AP2A2: variants seen among roughly 807,000 people sequenced by gnomAD.
The protein encoded by AP2A2 is AP-2 complex subunit alpha-2.
AP2A2 carries 32 observed loss-of-function variants against 104.2 expected under a neutral mutation model. The ratio of observed to expected loss-of-function variants is 0.31; its 90% confidence interval spans 0.23 to 0.41. The LOEUF (loss-of-function observed/expected upper bound fraction) is 0.41. AP2A2 is among the 10% of genes least tolerant of loss of function. AP2A2 has a pLI of 1.00. For missense variants in AP2A2, 912 were observed against 1,261.0 expected (o/e 0.72, Z 4.19); for synonymous variants, 539 against 533.3 (o/e 1.01, Z -0.15).
At chr11:950,538 C>T (rs746857087) in intron 1 of AP2A2, among the ~76,000 whole-genome samples, 5 of 151,946 alleles carry the variant, frequency 3.3e-5, no homozygotes, top group Non-Finnish European at 4.4e-5. Context: ...TCGCTTGCCT[C>T]GGCTTCCCAA....
At chr11:974,682 C>CAAAAAA (rs747053947) in intron 4 of AP2A2, among the ~76,000 whole-genome samples, 1 of 49,626 alleles carries the variant, frequency 2.0e-5, no homozygotes, top group African/African-American at 6.9e-5. Context: ...GACTCTGTCT[C>CAAAAAA]AAAAAAAAAA....
At chr11:932,363 A>C (rs2134453886) in intron 1 of AP2A2, among the ~76,000 whole-genome samples, 1 of 152,390 alleles carries the variant, frequency 6.6e-6, no homozygotes, top group East Asian at 1.9e-4. Context: ...TAAATTAGAT[A>C]TGGAGAAACT....
chr11:1,000,308 C>T, intron 14 of AP2A2, 124 bp from the exon 15 acceptor site: 4 of 933,344 alleles, frequency 4.3e-6, no homozygotes, highest in South Asian at 1.6e-5. Flanking sequence ...GCCACCTGCC[C>T]CAGCCACTGG....
At position 941,020 on chromosome 11, in the gene AP2A2, C is replaced by T. The variant is rs558037832; in HGVS notation, c.67+14932C>T. ...CCCTTGCTCCACACTCCGTGGAGCT[C>T]GGAGCTTTTGTGTTCTCACTTTTCC... On this transcript the variant is annotated intron_variant, in intron 1 of 21. Transcript: ENST00000448903. 140 of 414,040 alleles carry T rather than the reference C, an allele frequency of 3.4e-4. No homozygotes were observed. In the East Asian group the frequency reaches 6.1e-3, roughly 18 times the overall value. The allele number at this position is 414,040 out of a possible 1,614,324, so 25.6% of individuals were successfully genotyped here.
intron 1 of AP2A2, among the ~76,000 whole-genome samples, chr11:942,118 G>A (rs1853670818): frequency 1.3e-5 from 2 of 152,058 alleles, no homozygotes; most frequent in African/African-American, 4.8e-5. Context: ...AGTAGAGAGG[G>A]GGGTTTCACC....
intron 1 of AP2A2, chr11:946,837 C>T (rs1322514760): frequency 6.6e-6 from 1 of 151,104 alleles, no homozygotes; most frequent in African/African-American, 2.4e-5. Flanking sequence ...TTTTAGCCAA[C>T]CTCCCTTATA....
intron 5 of AP2A2, among the ~76,000 whole-genome samples, 179 bp downstream of exon 5, chr11:977,403 T>G (rs922367303): frequency 2.9e-4 from 44 of 151,650 alleles, no homozygotes; most frequent in African/African-American, 1.1e-3. Flanking sequence ...AGACTCCGCC[T>G]CTGCTCATCC....
rs1590003206 is a variant in AP2A2 at position 992,122 on chromosome 11, G to A, written c.1270-381G>A. Among the ~76,000 whole-genome samples the A allele has an allele frequency of 6.6e-6, 1 of 152,134 alleles. No homozygotes were observed. The highest frequency in any genetic ancestry group is 6.5e-5 in the Admixed American group (1 of 15,272). On this transcript the variant is annotated intron_variant, in intron 10 of 21. Coordinates refer to ENST00000448903, the MANE Select transcript of AP2A2 (RefSeq NM_012305.4). This position sits in a 1 kb window ranked among gnomAD's most constrained non-coding sequence, Gnocchi z 6.4. Reference sequence around the variant, plus strand: ...CAGGGTGGCGCAGTCACTGGCCGCCGGGAGCCCAGGGTGGCGCAGTCAGAG... The same window carrying A: ...CAGGGTGGCGCAGTCACTGGCCGCCAGGAGCCCAGGGTGGCGCAGTCAGAG...
Position 992,399 on chromosome 11 carries a change from C to A in AP2A2, c.1270-104C>A, listed in dbSNP as rs1855689603. The A allele has an allele frequency of 8.3e-7, 1 of 1,199,226 alleles. No individual in the cohort carries two copies. The highest frequency in any genetic ancestry group is 1.2e-6 in the Non-Finnish European group (1 of 833,736). 74.3% of individuals were successfully genotyped at this position (1,199,226 alleles called of 1,614,324 possible). A position where few individuals can be genotyped will look rare whatever the true frequency, so the allele number is the denominator to read the frequency against. On this transcript the variant is annotated intron_variant, in intron 10 of 21. Transcript: ENST00000448903. This position sits in a 1 kb window ranked among gnomAD's most constrained non-coding sequence, Gnocchi z 6.4. ...TCCATGTCCCAAACTTTTGTAGACA[C>A]ATTGAGGTGCTTCTGAAACTCTCAC... is the stretch of plus-strand genomic sequence containing the variant.
chr11:1,003,866 A>G, intron 16 of AP2A2, 62 bp downstream of exon 16: 3 of 1,163,392 alleles, frequency 2.6e-6, no homozygotes, highest in Non-Finnish European at 3.7e-6. Flanking sequence ...AAGAGAAAAT[A>G]TTTGCAAATC....
At chr11:988,989 T>A (rs1228160540) in intron 10 of AP2A2, among the ~76,000 whole-genome samples, 1 of 151,742 alleles carries the variant, frequency 6.6e-6, no homozygotes, top group Admixed American at 6.6e-5. Context: ...AGCGAGACCC[T>A]GTCTTAAAAA....
At position 992,421 on chromosome 11, in the gene AP2A2, T is replaced by C. The variant is rs1475131883; in HGVS notation, c.1270-82T>C. On this transcript the variant is annotated intron_variant, in intron 10 of 21. Transcript: ENST00000448903. The surrounding 1 kb of genome is among the most constrained non-coding windows in gnomAD (Gnocchi z 6.4). ...ACACATTGAGGTGCTTCTGAAACTCTCACTTTGACTTTGGACGACAGTTTG... is the reference window on the plus strand; with the variant it reads ...ACACATTGAGGTGCTTCTGAAACTCCCACTTTGACTTTGGACGACAGTTTG... The C allele has an allele frequency of 3.5e-6, 5 of 1,417,930 alleles. No homozygotes were observed. The South Asian group carries it at 3.7e-5, about 10-fold the overall frequency. The allele number at this position is 1,417,930 out of a possible 1,614,324, so 87.8% of individuals were successfully genotyped here.
chr11:985,502 C>T lies in AP2A2; in HGVS notation c.882C>T (p.Pro294=). The T allele has an allele frequency of 6.2e-7, 1 of 1,613,976 alleles. No individual in the cohort carries two copies. The highest frequency in any genetic ancestry group is 1.7e-5 in the Admixed American group (1 of 60,014). Residue 294 remains proline (P), a synonymous_variant, in exon 8 of 22, where the codon CCC becomes CCT. Transcript: ENST00000448903. The part of the protein sequence containing the change: ...ETILNKAQEP[P]KSKKVQHSNA... ...TCCTGAACAAAGCCCAAGAACCGCC[C>T]AAGTCGAAGAAGGTCCAGCACTCCA...
intron 2 of AP2A2, among the ~76,000 whole-genome samples, chr11:964,568 A>T (rs182040307): frequency 1.3e-5 from 2 of 152,318 alleles, no homozygotes; most frequent in African/African-American, 4.8e-5. Context: ...GCCTGCATGT[A>T]AGGCTGAAGT....
chr11:933,498 TC>T (rs140080785), intron 1 of AP2A2: 36,510 of 455,762 alleles, frequency 0.08, 1,699 homozygotes, highest in South Asian at 0.097. Context: ...AGGTGGGTGT[TC>T]CCGTGTAGAA....
intron 2 of AP2A2, among the ~76,000 whole-genome samples, chr11:960,578 A>T (rs905318290): frequency 1.3e-5 from 2 of 150,958 alleles, no homozygotes; most frequent in African/African-American, 4.9e-5. Flanking sequence ...GGGTTTCTCC[A>T]TGTTGGTCAG....
chr11:1,002,534 G>A (rs116580310), intron 15 of AP2A2, among the ~76,000 whole-genome samples: 3 of 152,376 alleles, frequency 2.0e-5, no homozygotes, highest in African/African-American at 4.8e-5. Context: ...AGAGGTGTGC[G>A]CAGGGACTGC....
chr11:950,627 CA>C (rs906001041), intron 1 of AP2A2, among the ~76,000 whole-genome samples: 2 of 149,568 alleles, frequency 1.3e-5, no homozygotes, highest in Admixed American at 6.7e-5. Context: ...GTGCAAATGA[CA>C]AAAAAAAAGT....
At position 985,568 on chromosome 11, in the gene AP2A2, C is replaced by T. The variant is rs745424179; in HGVS notation, c.948C>T (p.Ile316=). ...TGCTCTTCGAGGCCATCAGCTTAAT[C>T]ATTCACCATGACAGGTGTGTCGGCT... ...NAVLFEAISL[I]IHHDSEPNLL... The change falls in exon 8 of 22, where the codon ATC becomes ATT. Residue 316 remains isoleucine, a synonymous_variant. Transcript: ENST00000448903. 14 of 1,613,884 alleles carry T rather than the reference C, an allele frequency of 8.7e-6. No individual in the cohort carries two copies. In the South Asian group the frequency reaches 1.5e-4, roughly 18 times the overall value.
Sources: gnomAD v4.1 joint callset for allele counts (sites outside exome capture counted in the v4.1 genomes callset) on GRCh38, gnomAD v4.1.1 for gene constraint, Gnocchi (gnomAD v3.1) non-coding constraint, MANE v1.5 for transcripts, NCBI Gene and HGNC (gene_info 2026-07-23, HGNC 2026-07-21) for gene names.